NEBL: variants seen among roughly 807,000 people sequenced by gnomAD.
NEBL encodes the protein LIM and SH3 protein 2.
Under a neutral mutation model 140.2 loss-of-function variants are expected in NEBL, and 122 were observed. The ratio of observed to expected loss-of-function variants is 0.87; its 90% CI spans 0.75 to 1.01. The LOEUF is 1.01. Ranked by LOEUF, NEBL falls within the 50% of genes least tolerant of loss-of-function variation. NEBL has a pLI of 0.00. For synonymous variants in NEBL, 436 were observed against 398.9 expected, an observed-to-expected ratio of 1.09 and a Z score of -1.11; for missense variants, 1,365 against 1,231.3, an observed-to-expected ratio of 1.11 and a Z score of -1.62.
chr10:21,176,850 T>G (rs995417705), upstream of NEBL, among the ~76,000 whole-genome samples: 4 of 152,210 alleles, frequency 2.6e-5, no homozygotes, highest in African/African-American at 9.6e-5. Flanking sequence ...TTAGCTAAAA[T>G]CCCCAAATCT....
chr10:20,941,921 G>C (rs1257786268), intron 4 of NEBL, among the ~76,000 whole-genome samples: 1 of 151,956 alleles, frequency 6.6e-6, no homozygotes, highest in Non-Finnish European at 1.5e-5. Flanking sequence ...ACAAACCACT[G>C]CTCAATGAAA....
intron 2 of NEBL, chr10:21,029,255 ACTGG>A: frequency 1.9e-6 from 3 of 1,572,834 alleles, no homozygotes; most frequent in Non-Finnish European, 2.6e-6. Context: ...CCCAATATCA[ACTGG>A]AGCTTTCTTC....
intron 4 of NEBL, among the ~76,000 whole-genome samples, chr10:20,909,171 T>C (rs1407294335): frequency 6.6e-6 from 1 of 151,916 alleles, no homozygotes; most frequent in Non-Finnish European, 1.5e-5. Context: ...ACTCTTTGCA[T>C]TATTTTAAAA....
intron 26 of NEBL, chr10:20,804,299 T>C (rs980496470): frequency 6.6e-6 from 1 of 152,158 alleles, no homozygotes; most frequent in African/African-American, 2.4e-5. Context: ...CAATTCAAAA[T>C]ATGTACTCAT....
intron 1 of NEBL, among the ~76,000 whole-genome samples, chr10:21,275,312 G>A (rs1842906396): frequency 6.6e-6 from 1 of 151,964 alleles, no homozygotes; most frequent in Admixed American, 6.6e-5. Context: ...TCTTCCTATG[G>A]GCGTTTTCTG....
chr10:20,936,566 G>C (rs1277730636), intron 4 of NEBL, among the ~76,000 whole-genome samples: 1 of 152,174 alleles, frequency 6.6e-6, no homozygotes, highest in Non-Finnish European at 1.5e-5. Flanking sequence ...TCTGGCCTTA[G>C]AGCAAGAATT....
At chr10:21,180,974 C>A (rs745641242) in intron 3 of NEBL, among the ~76,000 whole-genome samples, 1 of 151,890 alleles carries the variant, frequency 6.6e-6, no homozygotes, top group Non-Finnish European at 1.5e-5. Context: ...AAAATTAATT[C>A]ATGTAGGCCA....
At chr10:21,240,241 T>TTA (rs1842421696) in intron 3 of NEBL, among the ~76,000 whole-genome samples, 1 of 152,250 alleles carries the variant, frequency 6.6e-6, no homozygotes, top group Non-Finnish European at 1.5e-5. Flanking sequence ...TTCTAGCTTT[T>TTA]CAGTGCATTT....
At chr10:20,940,812 A>C (rs1834812398) in intron 4 of NEBL, among the ~76,000 whole-genome samples, 1 of 152,234 alleles carries the variant, frequency 6.6e-6, no homozygotes, top group African/African-American at 2.4e-5. Flanking sequence ...AAACACCTCT[A>C]CGCAAATAAA....
chr10:21,073,500 C>T (rs892641605), intron 2 of NEBL, among the ~76,000 whole-genome samples: 5 of 151,164 alleles, frequency 3.3e-5, no homozygotes, highest in East Asian at 3.9e-4. Context: ...ACTTGTAATC[C>T]GAGCTACTCA....
At chr10:21,237,468 G>A (rs917113751) in intron 3 of NEBL, among the ~76,000 whole-genome samples, 5 of 152,132 alleles carry the variant, frequency 3.3e-5, no homozygotes, top group African/African-American at 9.7e-5. Flanking sequence ...GCCTCCCAAA[G>A]TGCTGGGATT....
At chr10:21,239,832 T>C (rs370937019) in intron 3 of NEBL, among the ~76,000 whole-genome samples, 70 of 152,136 alleles carry the variant, frequency 4.6e-4, no homozygotes, top group Middle Eastern at 3.4e-3. Flanking sequence ...CTAGCTAACA[T>C]GGTGAAACCC....
At chr10:20,933,954 C>T (rs1311571466) in intron 4 of NEBL, among the ~76,000 whole-genome samples, 1 of 152,014 alleles carries the variant, frequency 6.6e-6, no homozygotes, top group Non-Finnish European at 1.5e-5. Context: ...CAGCTGGGTA[C>T]ACTATCAGTT....
Position 21,057,997 on chromosome 10 carries a change from A to T in NEBL, c.165-37796T>A, listed in dbSNP as rs145531679. ...AAGGGAAAGTTCTGACTTTCCATCT[A>T]TTTTTTCTGAGAGATACATCACTTT... On this transcript the variant is annotated intron_variant, in intron 2 of 6. Transcript: ENST00000417816. Among the ~76,000 whole-genome samples the T allele has an allele frequency of 6.3e-3, 959 of 152,218 alleles. 17 individuals carry two copies. The highest frequency in any genetic ancestry group is 0.022 in the African/African-American group (897 of 41,544).
intron 2 of NEBL, among the ~76,000 whole-genome samples, chr10:21,153,022 G>C (rs989394734): frequency 6.6e-6 from 1 of 152,176 alleles, no homozygotes. Flanking sequence ...AGAAACTCCA[G>C]TCTCCTAGGC....
intron 2 of NEBL, among the ~76,000 whole-genome samples, chr10:21,250,787 C>A (rs1000570335): frequency 1.3e-5 from 2 of 151,836 alleles, no homozygotes; most frequent in Non-Finnish European, 2.9e-5. Context: ...TGGTGGTAGG[C>A]AACTGTGAGG....
At chr10:20,926,801 A>G (rs1009614854) in intron 4 of NEBL, among the ~76,000 whole-genome samples, 1 of 152,232 alleles carries the variant, frequency 6.6e-6, no homozygotes, top group African/African-American at 2.4e-5. Flanking sequence ...AGGAGAAAAG[A>G]ACGCAAACAG....
intron 13 of NEBL, 135 bp from the exon 14 acceptor site, chr10:20,835,758 A>T: frequency 1.4e-6 from 1 of 714,440 alleles, no homozygotes; most frequent in Non-Finnish European, 2.5e-6. Flanking sequence ...ACTATGAATG[A>T]TCACTCACAA....
intron 3 of NEBL, among the ~76,000 whole-genome samples, chr10:20,974,488 A>T (rs190015715): frequency 6.6e-6 from 1 of 152,198 alleles, no homozygotes; most frequent in Admixed American, 6.5e-5. Flanking sequence ...TGGGCAAGTA[A>T]TCTGTCCACC....
Sources: gnomAD v4.1 joint callset for allele counts (sites outside exome capture counted in the v4.1 genomes callset) on GRCh38, gnomAD v4.1.1 for gene constraint, MANE v1.5 for transcripts, NCBI Gene and HGNC (gene_info 2026-07-23, HGNC 2026-07-21) for gene names.